The following NTRK2 variants were observed in gnomAD, a reference collection of about 807,000 sequenced individuals.
The protein encoded by NTRK2 is neurotrophic receptor tyrosine kinase 2.
A neutral mutation model predicts 94.5 loss-of-function variants in NTRK2; 13 were observed. The ratio of observed to expected loss-of-function variants is 0.14; its 90% confidence interval spans 0.09 to 0.22. The LOEUF is 0.22. Among genes scored for constraint, NTRK2 ranks in the 10% least tolerant of loss-of-function variants. The pLI is 1.00. For synonymous variants in NTRK2, 372 were observed against 407.4 expected (o/e 0.91, Z 1.05); for missense variants, 639 against 1,071.2 (o/e 0.60, Z 5.63).
intron 11 of NTRK2, among the ~76,000 whole-genome samples, chr9:84,748,843 A>C (rs963484569): frequency 2.6e-5 from 4 of 152,228 alleles, no homozygotes; most frequent in African/African-American, 9.6e-5. Flanking sequence ...ACCCAAAGTC[A>C]TGAGGTCAGC....
intron 14 of NTRK2, among the ~76,000 whole-genome samples, chr9:84,888,379 G>A (rs1433765109): frequency 1.3e-5 from 2 of 151,820 alleles, no homozygotes; most frequent in African/African-American, 4.8e-5. Flanking sequence ...GGGAGGACAT[G>A]GCGGGTGGAT....
intron 14 of NTRK2, among the ~76,000 whole-genome samples, chr9:84,931,438 G>T (rs1454224507): frequency 6.7e-6 from 1 of 150,180 alleles, no homozygotes; most frequent in African/African-American, 2.5e-5. Context: ...GAGAGAGAGA[G>T]AAATTTATTC....
intron 14 of NTRK2, among the ~76,000 whole-genome samples, chr9:84,905,249 A>T (rs2077036707): frequency 6.6e-6 from 1 of 150,408 alleles, no homozygotes; most frequent in Non-Finnish European, 1.5e-5. Context: ...GTTACCCCAA[A>T]CCTACTCCAT....
intron 10 of NTRK2, among the ~76,000 whole-genome samples, chr9:84,742,789 G>GTTTTTTGTTTT (rs2063750817): frequency 9.6e-6 from 1 of 103,706 alleles, no homozygotes; most frequent in African/African-American, 4.0e-5. Flanking sequence ...CATTATATTA[G>GTTTTTTGTTTT]TTTTTTTTTT....
intron 14 of NTRK2, chr9:84,876,285 T>G: frequency 9.6e-7 from 1 of 1,045,976 alleles, no homozygotes; most frequent in Middle Eastern, 4.4e-4. Context: ...CTTTAGGGAA[T>G]GCCTTTACTA....
intron 14 of NTRK2, among the ~76,000 whole-genome samples, chr9:84,880,977 C>T (rs964134980): frequency 6.6e-6 from 1 of 152,150 alleles, no homozygotes; most frequent in Non-Finnish European, 1.5e-5. Context: ...GTTCCAAGCC[C>T]GCTGAACCTC....
At chr9:84,959,551 C>T (rs1267987446) in intron 17 of NTRK2, among the ~76,000 whole-genome samples, 1 of 152,202 alleles carries the variant, frequency 6.6e-6, no homozygotes, top group Non-Finnish European at 1.5e-5. Context: ...CAGGAAATGG[C>T]TGCCTCCAGG....
intron 12 of NTRK2, among the ~76,000 whole-genome samples, chr9:84,837,281 A>G (rs530574262): frequency 6.6e-6 from 1 of 152,196 alleles, no homozygotes; most frequent in East Asian, 1.9e-4. Flanking sequence ...GTGGCAGTTG[A>G]TAAAGCTGTG....
intron 12 of NTRK2, among the ~76,000 whole-genome samples, chr9:84,855,215 T>A (rs2075007834): frequency 6.6e-6 from 1 of 152,184 alleles, no homozygotes; most frequent in African/African-American, 2.4e-5. Flanking sequence ...AAATGGTTAC[T>A]CTGGCAGCTC....
At chr9:84,998,672 G>A (rs2133384199) in intron 17 of NTRK2, among the ~76,000 whole-genome samples, 1 of 152,236 alleles carries the variant, frequency 6.6e-6, no homozygotes, top group African/African-American at 2.4e-5. Flanking sequence ...CACTCTTTGG[G>A]AAACTAGTAG....
intron 8 of NTRK2, 27 bp downstream of exon 8, chr9:84,724,383 T>G (rs201520706): frequency 7.7e-5 from 124 of 1,613,900 alleles, no homozygotes; most frequent in Non-Finnish European, 1.0e-4. Flanking sequence ...GCATGTGTTT[T>G]TAATAGCAAA....
chr9:84,728,722 A>C (rs1025128162), intron 9 of NTRK2, among the ~76,000 whole-genome samples: 7 of 152,104 alleles, frequency 4.6e-5, no homozygotes, highest in African/African-American at 1.7e-4. Flanking sequence ...AGGAGTGGTA[A>C]TAGTGCTTCT....
At chr9:84,873,569 A>G in intron 14 of NTRK2, 1 of 1,053,862 alleles carries the variant, frequency 9.5e-7, no homozygotes, top group Non-Finnish European at 1.1e-6. Context: ...GGAGATGATA[A>G]GAAGCTATCA....
chr9:84,870,637 C>A (rs893326049), intron 14 of NTRK2, among the ~76,000 whole-genome samples: 2 of 151,762 alleles, frequency 1.3e-5, no homozygotes, highest in African/African-American at 4.8e-5. Context: ...CAGGCATGAG[C>A]CCCATTGAAT....
At chr9:84,835,332 A>G (rs919159803) in intron 12 of NTRK2, among the ~76,000 whole-genome samples, 1 of 152,090 alleles carries the variant, frequency 6.6e-6, no homozygotes, top group African/African-American at 2.4e-5. Context: ...CCATCTGTGC[A>G]TGACCCTTTG....
At chr9:84,948,386 T>C in intron 15 of NTRK2, 76 bp from the exon 16 acceptor site, 1 of 1,463,246 alleles carries the variant, frequency 6.8e-7, no homozygotes, top group Non-Finnish European at 9.5e-7. Context: ...GCCTAACAAA[T>C]GAGATGGATG....
rs940277995 is a variant in NTRK2, at chr9:85,022,605, CTTTT to C, written c.*1169_*1172del. 1 of 233,258 alleles carries C rather than the reference CTTTT, an allele frequency of 4.3e-6. No homozygotes were observed. Among genetic ancestry groups the C allele is most frequent in the Non-Finnish European group, 8.5e-6 (1 of 118,046 alleles). The allele number at this position is 233,258 out of a possible 1,614,324, so 14.4% of individuals were successfully genotyped here. A position where few individuals can be genotyped will look rare whatever the true frequency, so the allele number is the denominator to read the frequency against. ...CCCCTAACTTCCATGCCCACCCGTCCTTTTAACTGTGCAAGCAAAATTGTGCATG... is the reference window on the plus strand; with the variant it reads ...CCCCTAACTTCCATGCCCACCCGTCCAACTGTGCAAGCAAAATTGTGCATG... On this transcript the variant is annotated 3_prime_UTR_variant, in exon 19 of 19. Transcript: ENST00000277120.
In NTRK2 at chr9:84,780,584, TAG is replaced by T. The variant is rs540266373; in HGVS notation, c.1396+28500_1396+28501del. 1.1e-4 allele frequency among the ~76,000 whole-genome samples: 17 copies of T among 152,286 alleles called. No homozygotes were observed. In the South Asian group the frequency reaches 3.5e-3, roughly 32 times the overall value. On this transcript the variant is annotated intron_variant, in intron 12 of 18. Transcript: ENST00000277120. ...TGAGATGGGAGCAGAAGTTCAAACT[TAG>T]GGGAATACCAAGGTCCAGCTCTGCG... is the stretch of plus-strand genomic sequence containing the variant.
chr9:84,965,540 G>A (rs536950332), intron 17 of NTRK2, among the ~76,000 whole-genome samples: 4 of 152,292 alleles, frequency 2.6e-5, no homozygotes, highest in Non-Finnish European at 2.9e-5. Flanking sequence ...AGGTAGAAAT[G>A]TTGTTAACCG....
Sources: gnomAD v4.1 joint callset for allele counts (sites outside exome capture counted in the v4.1 genomes callset) on GRCh38, gnomAD v4.1.1 for gene constraint, MANE v1.5 for transcripts, NCBI Gene and HGNC (gene_info 2026-07-23, HGNC 2026-07-21) for gene names.